ZSCAN5A: variants seen among roughly 807,000 people sequenced by gnomAD.
ZSCAN5A encodes the protein zinc finger and SCAN domain-containing protein 5A.
ZSCAN5A carries 12 observed loss-of-function variants against 23.7 expected under a neutral mutation model. The observed-to-expected ratio is 0.51, with a 90% CI of 0.32 to 0.82. The LOEUF (loss-of-function observed/expected upper bound fraction) is 0.82. Ranked by LOEUF, ZSCAN5A falls within the 40% of genes least tolerant of loss-of-function variation. ZSCAN5A has a pLI of 0.03. For missense variants in ZSCAN5A, 597 were observed against 617.9 expected, an observed-to-expected ratio of 0.97 and a Z score of 0.36; for synonymous variants, 257 against 239.9, an observed-to-expected ratio of 1.07 and a Z score of -0.66.
chr19:56,273,193 T>A (rs1467158650), intron 2 of ZSCAN5A, among the ~76,000 whole-genome samples: 2 of 152,210 alleles, frequency 1.3e-5, no homozygotes, highest in East Asian at 3.8e-4. Flanking sequence ...CTTGCTGTCC[T>A]CATCTGACCA....
intron 2 of ZSCAN5A, among the ~76,000 whole-genome samples, chr19:56,288,532 G>C (rs1042613720): frequency 6.6e-6 from 1 of 152,128 alleles, no homozygotes; most frequent in Non-Finnish European, 1.5e-5. Context: ...TGATGCTTTT[G>C]CTGTCTGCTT....
At chr19:56,283,931 T>G (rs773743445) in intron 2 of ZSCAN5A, 1 of 152,210 alleles carries the variant, frequency 6.6e-6, no homozygotes, top group Non-Finnish European at 1.5e-5. Flanking sequence ...TCCCAACCTC[T>G]TTCTCCACTT....
At chr19:56,276,701 C>G (rs2038293545) in intron 2 of ZSCAN5A, among the ~76,000 whole-genome samples, 1 of 151,782 alleles carries the variant, frequency 6.6e-6, no homozygotes. Flanking sequence ...CCATGCCCGG[C>G]TAATTTTGTA....
intron 2 of ZSCAN5A, among the ~76,000 whole-genome samples, chr19:56,301,184 A>G (rs1480583608): frequency 6.6e-6 from 1 of 152,174 alleles, no homozygotes; most frequent in African/African-American, 2.4e-5. Context: ...GGAATAAAAG[A>G]CTGGCTACTC....
intron 4 of ZSCAN5A, 74 bp downstream of exon 4, chr19:56,223,557 A>G: frequency 6.8e-7 from 1 of 1,479,282 alleles, no homozygotes. Context: ...TCTCTCAATC[A>G]GTCCAGCGGC....
chr19:56,307,506 A>T (rs898978961), intron 2 of ZSCAN5A, among the ~76,000 whole-genome samples: 2 of 152,194 alleles, frequency 1.3e-5, no homozygotes, highest in Non-Finnish European at 2.9e-5. Flanking sequence ...ACATTTACTT[A>T]TTATGAAGTG....
chr19:56,228,522 C>T, intron 2 of ZSCAN5A: 1 of 899,320 alleles, frequency 1.1e-6, no homozygotes, highest in Non-Finnish European at 1.3e-6. Flanking sequence ...TGTCATACTG[C>T]TGAAGTATTT....
intron 2 of ZSCAN5A, among the ~76,000 whole-genome samples, chr19:56,290,936 T>C (rs187012635): frequency 5.3e-5 from 8 of 152,310 alleles, no homozygotes; most frequent in African/African-American, 1.7e-4. Context: ...AATCTTTGGA[T>C]AGTTCTTCTC....
chr19:56,314,148 T>G (rs1318451862), intron 1 of ZSCAN5A: 1 of 152,186 alleles, frequency 6.6e-6, no homozygotes, highest in African/African-American at 2.4e-5. Context: ...ATTGAGAAAC[T>G]CGGTAAGGTC....
intron 2 of ZSCAN5A, among the ~76,000 whole-genome samples, chr19:56,303,144 T>G (rs1437968503): frequency 1.3e-5 from 2 of 152,034 alleles, no homozygotes; most frequent in African/African-American, 2.4e-5. Flanking sequence ...AGAAACACCA[T>G]GTGCGAGACT....
rs2033422193 is a variant in ZSCAN5A at position 56,222,782 on chromosome 19, A to T, written c.589-41T>A. The T allele has an allele frequency of 7.4e-6, 12 of 1,613,632 alleles. 1 individual carries two copies. The East Asian group carries it at 2.7e-4, about 36-fold the overall frequency. On this transcript the variant is annotated intron_variant, in intron 4 of 5. Coordinates refer to ENST00000683990, the MANE Select transcript of ZSCAN5A (RefSeq NM_001322064.3). ...CAAGAGTAATGACTGCTGTGTCCAA[A>T]CTGGTGGAAGCAGGGACACATCTGT...
chr19:56,277,006 A>C (rs1233270951), intron 2 of ZSCAN5A, among the ~76,000 whole-genome samples: 1 of 152,218 alleles, frequency 6.6e-6, no homozygotes, highest in African/African-American at 2.4e-5. Context: ...CTCATTAGCC[A>C]TCAGAAAAAT....
intron 2 of ZSCAN5A, among the ~76,000 whole-genome samples, chr19:56,358,520 G>A (rs949996021): frequency 3.3e-5 from 5 of 151,904 alleles, no homozygotes; most frequent in East Asian, 3.9e-4. Context: ...ACAGATCATC[G>A]AGAAAGAAAA....
chr19:56,261,934 A>C (rs942973215), intron 2 of ZSCAN5A, among the ~76,000 whole-genome samples: 1 of 152,204 alleles, frequency 6.6e-6, no homozygotes, highest in Admixed American at 6.5e-5. Flanking sequence ...TCACATAACT[A>C]TGACCCAGAT....
At chr19:56,227,900 A>G (rs1193105400) in intron 2 of ZSCAN5A, among the ~76,000 whole-genome samples, 1 of 152,056 alleles carries the variant, frequency 6.6e-6, no homozygotes, top group Non-Finnish European at 1.5e-5. Context: ...CAAAAAAAAA[A>G]TTAAAAATTT....
chr19:56,303,420 G>A (rs893377415), intron 2 of ZSCAN5A, among the ~76,000 whole-genome samples: 8 of 151,104 alleles, frequency 5.3e-5, no homozygotes, highest in Non-Finnish European at 1.0e-4. Context: ...AGAGGTTGCA[G>A]TGAGCCAAGA....
intron 2 of ZSCAN5A, chr19:56,247,000 G>A: frequency 2.5e-6 from 3 of 1,219,402 alleles, no homozygotes; most frequent in South Asian, 2.4e-5. Flanking sequence ...TTATTCCCCA[G>A]GCCCTGCAGG....
chr19:56,247,107 C>A, intron 2 of ZSCAN5A: 1 of 700,172 alleles, frequency 1.4e-6, no homozygotes, highest in Non-Finnish European at 2.6e-6. Context: ...CCAAGCTAGC[C>A]ATCCACATGA....
chr19:56,332,989 A>G (rs927120605), intron 2 of ZSCAN5A, among the ~76,000 whole-genome samples: 1 of 152,104 alleles, frequency 6.6e-6, no homozygotes, highest in African/African-American at 2.4e-5. Flanking sequence ...TAGGCCTTCA[A>G]TCCCTTCCAG....
Sources: gnomAD v4.1 joint callset for allele counts (sites outside exome capture counted in the v4.1 genomes callset) on GRCh38, gnomAD v4.1.1 for gene constraint, MANE v1.5 for transcripts, NCBI Gene and HGNC (gene_info 2026-07-23, HGNC 2026-07-21) for gene names.